MSI2: variants seen among roughly 807,000 people sequenced by gnomAD.
MSI2 encodes the protein musashi RNA binding protein 2.
MSI2 carries 17 observed loss-of-function variants against 45.6 expected under a neutral mutation model. The observed-to-expected ratio is 0.37, with a 90% CI of 0.26 to 0.56. The LOEUF is 0.56. Ranked by LOEUF, MSI2 falls within the 20% of genes least tolerant of loss-of-function variation. The pLI, the probability that MSI2 is intolerant of heterozygous loss-of-function variation, is 0.77. For synonymous variants in MSI2, 156 were observed against 158.2 expected, an observed-to-expected ratio of 0.99 and a Z score of 0.11; for missense variants, 293 against 444.2, an observed-to-expected ratio of 0.66 and a Z score of 3.06.
intron 6 of MSI2, among the ~76,000 whole-genome samples, chr17:57,499,222 A>G (rs2086045871): frequency 6.6e-6 from 1 of 151,802 alleles, no homozygotes; most frequent in African/African-American, 2.4e-5. Context: ...CTAAAAATAC[A>G]AAAATTAGCC....
chr17:57,443,201 G>T (rs1183361581), intron 6 of MSI2, among the ~76,000 whole-genome samples: 1 of 152,196 alleles, frequency 6.6e-6, no homozygotes, highest in East Asian at 1.9e-4. Context: ...TTCGGCCTTG[G>T]GTAAAGGGAG....
intron 6 of MSI2, among the ~76,000 whole-genome samples, chr17:57,486,468 C>G (rs1206036395): frequency 6.6e-6 from 1 of 152,222 alleles, no homozygotes; most frequent in Non-Finnish European, 1.5e-5. Flanking sequence ...TCATTGGAAT[C>G]ATGAAAGAAA....
chr17:57,526,683 A>G (rs1044751969), intron 6 of MSI2, among the ~76,000 whole-genome samples: 2 of 152,080 alleles, frequency 1.3e-5, no homozygotes, highest in African/African-American at 2.4e-5. Flanking sequence ...CTCTGAATTA[A>G]TAAGTATTTT....
intron 11 of MSI2, among the ~76,000 whole-genome samples, chr17:57,668,186 A>G (rs752060282): frequency 2.7e-4 from 41 of 152,194 alleles, no homozygotes; most frequent in Non-Finnish European, 5.4e-4. Context: ...ATATCTCAAC[A>G]GCAAATGCAT....
intron 11 of MSI2, among the ~76,000 whole-genome samples, chr17:57,659,083 T>TTG (rs35492662): frequency 0.16 from 24,241 of 151,324 alleles, 2,338 homozygotes; most frequent in East Asian, 0.44. Flanking sequence ...TTGGTTGGTT[T>TTG]GTTGTTGTTG....
intron 7 of MSI2, among the ~76,000 whole-genome samples, chr17:57,581,002 A>ATTTTTTTTTTT (rs1567914151): frequency 1.4e-4 from 8 of 58,236 alleles, no homozygotes; most frequent in South Asian, 5.6e-4. Context: ...TGAGGTCAGC[A>ATTTTTTTTTTT]TCTTTTTTTT....
At chr17:57,595,751 A>C (rs775392367) in intron 7 of MSI2, among the ~76,000 whole-genome samples, 29 of 152,290 alleles carry the variant, frequency 1.9e-4, no homozygotes, top group Non-Finnish European at 1.9e-4. Context: ...AGCAAGGGGC[A>C]GCCACAAACA....
chr17:57,612,775 G>A (rs926387527), intron 8 of MSI2, among the ~76,000 whole-genome samples: 1 of 152,194 alleles, frequency 6.6e-6, no homozygotes, highest in African/African-American at 2.4e-5. Context: ...TCCGTTGATC[G>A]GGTTGCCTAG....
chr17:57,385,485 A>G (rs2083669996), intron 5 of MSI2, among the ~76,000 whole-genome samples: 1 of 152,052 alleles, frequency 6.6e-6, no homozygotes, highest in African/African-American at 2.4e-5. Flanking sequence ...AACCCCATCT[A>G]CTAAAAATAC....
rs557023405 is a variant in MSI2, at chr17:57,555,330, C to G, written c.454+25606C>G. Among the ~76,000 whole-genome samples, 4 of 152,320 alleles carry G rather than the reference C, an allele frequency of 2.6e-5. No individual in the cohort carries two copies. The South Asian group carries it at 8.3e-4, about 32-fold the overall frequency. Reference sequence around the variant, plus strand: ...GGACTCCTGCCTCCAGGCCTGTGACCCATTTAGAGGGATCTTTCTGAAATG... The same window carrying G: ...GGACTCCTGCCTCCAGGCCTGTGACGCATTTAGAGGGATCTTTCTGAAATG... On this transcript the variant is annotated intron_variant, in intron 7 of 13. Coordinates refer to ENST00000284073, the MANE Select transcript of MSI2 (RefSeq NM_138962.4).
intron 7 of MSI2, among the ~76,000 whole-genome samples, chr17:57,553,081 C>G (rs995126819): frequency 1.3e-5 from 2 of 152,176 alleles, no homozygotes; most frequent in Non-Finnish European, 2.9e-5. Context: ...CTGGCCTATT[C>G]AAAAGTGGCA....
chr17:57,267,953 T>C (rs934931087), intron 5 of MSI2: 2 of 152,166 alleles, frequency 1.3e-5, no homozygotes, highest in Non-Finnish European at 2.9e-5. Flanking sequence ...TGCCCTTCCC[T>C]TCTCTGTACA....
intron 5 of MSI2, chr17:57,277,955 C>T (rs1031348887): frequency 6.6e-6 from 1 of 152,398 alleles, no homozygotes; most frequent in Non-Finnish European, 1.5e-5. Context: ...CGCCTACACT[C>T]TAGGAGGTAG....
intron 6 of MSI2, among the ~76,000 whole-genome samples, chr17:57,410,185 A>G (rs1306717369): frequency 6.6e-6 from 1 of 151,612 alleles, no homozygotes; most frequent in African/African-American, 2.4e-5. Context: ...GCAAACTAGA[A>G]TGAATTGGTC....
At chr17:57,538,791 A>G (rs1366330237) in intron 7 of MSI2, among the ~76,000 whole-genome samples, 1 of 152,230 alleles carries the variant, frequency 6.6e-6, no homozygotes, top group African/African-American at 2.4e-5. Flanking sequence ...GGATGCCTGC[A>G]AAATCGGTAA....
At chr17:57,592,889 G>T (rs907102204) in intron 7 of MSI2, among the ~76,000 whole-genome samples, 2 of 152,220 alleles carry the variant, frequency 1.3e-5, no homozygotes, top group African/African-American at 4.8e-5. Context: ...GGGTATGGAG[G>T]TGATTTGTGC....
intron 7 of MSI2, among the ~76,000 whole-genome samples, chr17:57,587,485 T>G (rs1172872112): frequency 6.6e-6 from 1 of 152,144 alleles, no homozygotes; most frequent in Non-Finnish European, 1.5e-5. Context: ...GGAACTAGAT[T>G]GGAAATCTGA....
intron 8 of MSI2, among the ~76,000 whole-genome samples, chr17:57,614,685 C>T (rs1907506383): frequency 6.6e-6 from 1 of 152,184 alleles, no homozygotes; most frequent in African/African-American, 2.4e-5. Flanking sequence ...GGATTGATGA[C>T]TGGCTAACAA....
intron 5 of MSI2, among the ~76,000 whole-genome samples, chr17:57,398,469 G>A (rs1268740504): frequency 1.3e-5 from 2 of 152,244 alleles, no homozygotes; most frequent in African/African-American, 4.8e-5. Flanking sequence ...CTGCCCATCT[G>A]AAAGCATGTA....
Sources: gnomAD v4.1 joint callset for allele counts (sites outside exome capture counted in the v4.1 genomes callset) on GRCh38, gnomAD v4.1.1 for gene constraint, MANE v1.5 for transcripts, NCBI Gene and HGNC (gene_info 2026-07-23, HGNC 2026-07-21) for gene names.